The following RP1L1 variants were observed in gnomAD, a reference collection of about 807,000 sequenced individuals.
RP1L1 encodes RP1 like 1.
A neutral mutation model predicts 15.7 loss-of-function variants in RP1L1; 27 were observed. The ratio of observed to expected loss-of-function variants is 1.72; its 90% CI spans 1.27 to 2.38. The LOEUF (loss-of-function observed/expected upper bound fraction) is 2.38, where lower values mean the gene tolerates loss of function less well. RP1L1 is among the 30% of genes most tolerant of loss of function. The pLI is 0.00. For missense variants in RP1L1, 4,798 were observed against 3,075.9 expected, an observed-to-expected ratio of 1.56 and a Z score of -13.24; for synonymous variants, 1,813 against 1,276.7, an observed-to-expected ratio of 1.42 and a Z score of -8.96.
intron 1 of RP1L1, among the ~76,000 whole-genome samples, chr8:10,645,490 A>T (rs1798463320): frequency 6.6e-6 from 1 of 152,216 alleles, no homozygotes; most frequent in African/African-American, 2.4e-5. Flanking sequence ...GATCCTACTC[A>T]CCAGGGGCTT....
At position 10,609,079 on chromosome 8, in the gene RP1L1, C is replaced by T. The variant is rs763413796; in HGVS notation, c.5019G>A (p.Lys1673=). Residue 1673 remains lysine (K), a synonymous_variant, in exon 4 of 4, where the codon AAG becomes AAA. Transcript: ENST00000382483. ...GACCTCTGGTTGCCCCCATTGTGGC[C>T]TTGGGGGACATAGGGCTCACTTTCT... ...VRKKVSPMSP[K]ATMGATRGPI... is the part of the protein sequence containing the mutation. 2 of 1,613,692 alleles carry T rather than the reference C, an allele frequency of 1.2e-6. No individual in the cohort carries two copies. Among genetic ancestry groups the T allele is most frequent in the African/African-American group, 2.7e-5 (2 of 74,932 alleles).
In RP1L1 at chr8:10,611,079, C is replaced by T. The variant is rs886062584; in HGVS notation, c.3019G>A (p.Ala1007Thr). The T allele has an allele frequency of 7.4e-6, 12 of 1,612,778 alleles. No homozygotes were observed. Among genetic ancestry groups the T allele is most frequent in the Non-Finnish European group, 8.5e-6 (10 of 1,180,028 alleles). ...TCCAGGGACTGCTGTCCCGCCTGAG[C>T]TGGCTCCCCCAGGCCTTCCAGAGAA... ...DHSLEGLGEP[A>T]QAGQQSLEGD... Residue 1007 changes from alanine (A) to threonine (T), a missense_variant, in exon 4 of 4, where the codon GCT (alanine) becomes ACT (threonine). Physicochemically the swap from Ala to Thr is moderately conservative, Grantham distance 58. Transcript: ENST00000382483.
rs200671443 is a variant in RP1L1, at chr8:10,608,844, G to C, written c.5254C>G (p.Leu1752Val). The change falls in exon 4 of 4, where the codon CTC becomes GTC. Residue 1752 changes from leucine to valine, a missense_variant. Leu to Val is a conservative substitution (Grantham distance 32). Coordinates refer to ENST00000382483, the MANE Select transcript of RP1L1 (RefSeq NM_178857.6). ...EGEDGEGSQR[L>V]NRDKDPKLGE... Reference sequence around the variant, plus strand: ...AGTTTGGGATCTTTGTCTCTGTTGAGTCTCTGGCTCCCCTCGCCATCCTCA... The same window carrying C: ...AGTTTGGGATCTTTGTCTCTGTTGACTCTCTGGCTCCCCTCGCCATCCTCA... 31 of 1,613,954 alleles carry C rather than the reference G, an allele frequency of 1.9e-5. No homozygotes were observed. Among genetic ancestry groups the C allele is most frequent in the Non-Finnish European group, 2.5e-5 (30 of 1,180,054 alleles).
rs1797766000 is a variant in RP1L1 at position 10,608,819 on chromosome 8, A to T, written c.5279T>A (p.Leu1760His). 1 of 1,613,200 alleles carries T rather than the reference A, an allele frequency of 6.2e-7. No individual in the cohort carries two copies. ...CATTGCATCTCCCTCTGCCTCCCCGAGTTTGGGATCTTTGTCTCTGTTGAG... is the reference window on the plus strand; with the variant it reads ...CATTGCATCTCCCTCTGCCTCCCCGTGTTTGGGATCTTTGTCTCTGTTGAG... The part of the protein sequence containing the change: ...QRLNRDKDPK[L>H]GEAEGDAMAQ... The change falls in exon 4 of 4, where the codon CTC becomes CAC. Residue 1760 changes from leucine to histidine, a missense_variant. By Grantham distance (99) the Leu-to-His change is moderately conservative. Coordinates refer to ENST00000382483, the MANE Select transcript of RP1L1 (RefSeq NM_178857.6).
In RP1L1 at chr8:10,625,545, G is replaced by T. The variant is rs1249833503; in HGVS notation, c.-19-2325C>A. Reference sequence around the variant, plus strand: ...TGTGGGAGGGGAAGCATCTAGATGAGGTGTGAGATGCTCCATAGGCGGAGG... The same window carrying T: ...TGTGGGAGGGGAAGCATCTAGATGATGTGTGAGATGCTCCATAGGCGGAGG... On this transcript the variant is annotated intron_variant, in intron 1 of 3. Coordinates refer to ENST00000382483, the MANE Select transcript of RP1L1 (RefSeq NM_178857.6). 4.6e-5 allele frequency among the ~76,000 whole-genome samples: 7 copies of T among 152,134 alleles called. 1 individual carries two copies. Among genetic ancestry groups the T allele is most frequent in the Admixed American group, 4.6e-4 (7 of 15,280 alleles).
rs747180586 is a variant in RP1L1, at chr8:10,641,136, G to C, written c.-20+13762C>G. Among the ~76,000 whole-genome samples the C allele has an allele frequency of 7.9e-5, 12 of 152,214 alleles. No homozygotes were observed. In the South Asian group the frequency reaches 2.1e-3, roughly 26 times the overall value. ...ATTACATGGCAGATGCAGTGCCACA[G>C]CTCATCCCATCATGGGCCATGTTCT... On this transcript the variant is annotated intron_variant, in intron 1 of 3. Transcript: ENST00000382483.
chr8:10,632,016 G>A (rs183519614), intron 1 of RP1L1, among the ~76,000 whole-genome samples: 2 of 152,302 alleles, frequency 1.3e-5, no homozygotes, highest in East Asian at 1.9e-4. Context: ...TTTTGTCATC[G>A]TGCTTCACAC....
chr8:10,648,135 G>T (rs1046675893), intron 1 of RP1L1, among the ~76,000 whole-genome samples: 1 of 151,816 alleles, frequency 6.6e-6, no homozygotes, highest in Non-Finnish European at 1.5e-5. Flanking sequence ...GGGTTCAAGC[G>T]ATTCTCCTGC....
chr8:10,614,452 G>C (rs1797931491), intron 3 of RP1L1, among the ~76,000 whole-genome samples: 1 of 152,268 alleles, frequency 6.6e-6, no homozygotes, highest in South Asian at 2.1e-4. Flanking sequence ...CTGAGGTCAG[G>C]AGTTCAAGAC....
chr8:10,622,698 C>A lies in RP1L1; in HGVS notation c.504G>T (p.Val168=). 6.2e-7 allele frequency: 1 copy of A among 1,614,162 alleles called. No individual in the cohort carries two copies. Among genetic ancestry groups the A allele is most frequent in the African/African-American group, 1.3e-5 (1 of 75,036 alleles). The change falls in exon 2 of 4, where the codon GTG becomes GTT. Residue 168 remains valine, a synonymous_variant. Transcript: ENST00000382483. ...KNMDPRLQQT[V]VLSHRNTRNL... is the part of the protein sequence containing the mutation. ...TCCTAGTATTCCTGTGACTGAGAAC[C>A]ACTGTCTGCTGGAGGCGAGGGTCCA...
Position 10,647,038 on chromosome 8 carries a change from T to C in RP1L1, c.-20+7860A>G, listed in dbSNP as rs116354165. 7.9e-3 allele frequency among the ~76,000 whole-genome samples: 1,209 copies of C among 152,290 alleles called. 9 individuals carry two copies. Among genetic ancestry groups the C allele is most frequent in the African/African-American group, 0.027 (1,141 of 41,566 alleles). ...TGACCAGCAGAGATCCACGAGGGGCTATAAAGGCCACGCATCCTCATCCGG... is the reference window on the plus strand; with the variant it reads ...TGACCAGCAGAGATCCACGAGGGGCCATAAAGGCCACGCATCCTCATCCGG... On this transcript the variant is annotated intron_variant, in intron 1 of 3. Transcript: ENST00000382483.
At chr8:10,633,671 G>T (rs1433952015) in intron 1 of RP1L1, among the ~76,000 whole-genome samples, 2 of 152,244 alleles carry the variant, frequency 1.3e-5, no homozygotes, top group Non-Finnish European at 2.9e-5. Flanking sequence ...TCCACCCAGA[G>T]CACCAGGAGG....
chr8:10,610,734 G>A lies in RP1L1; in HGVS notation c.3364C>T (p.Leu1122=). The A allele has an allele frequency of 1.9e-6, 3 of 1,613,530 alleles. No homozygotes were observed. The highest frequency in any genetic ancestry group is 2.5e-6 in the Non-Finnish European group (3 of 1,180,034). Residue 1122 remains leucine (L), a synonymous_variant, in exon 4 of 4, where the codon CTG becomes TTG. Transcript: ENST00000382483. ...TCCTCAAATAACTGCAGACTGGCCA[G>A]ACAAGTAATGAGGGCCCCGGCTGAG... ...SCSAGALITC[L]ASLQLFEEDL... is the part of the protein sequence containing the mutation.
At chr8:10,632,509 T>C (rs1370971575) in intron 1 of RP1L1, among the ~76,000 whole-genome samples, 1 of 152,218 alleles carries the variant, frequency 6.6e-6, no homozygotes, top group Non-Finnish European at 1.5e-5. Context: ...CCCGACTTTT[T>C]CCTTTCCCCC....
At chr8:10,651,628 G>A (rs1798563500) in intron 1 of RP1L1, among the ~76,000 whole-genome samples, 1 of 151,836 alleles carries the variant, frequency 6.6e-6, no homozygotes, top group African/African-American at 2.4e-5. Flanking sequence ...AGGAGGCTGA[G>A]GCAGGAGAAT....
intron 1 of RP1L1, among the ~76,000 whole-genome samples, chr8:10,625,579 C>A (rs1383534227): frequency 2.0e-5 from 3 of 152,122 alleles, no homozygotes; most frequent in African/African-American, 7.2e-5. Flanking sequence ...GGGCTTCTGC[C>A]CAGCCAAGCC....
chr8:10,623,243 G>A (rs776200099), intron 1 of RP1L1, 23 bp from the exon 2 acceptor site: 1 of 1,505,208 alleles, frequency 6.6e-7, no homozygotes, highest in Non-Finnish European at 8.8e-7. Context: ...AGAGGAAGAG[G>A]GGTCAGAGAG....
chr8:10,609,112 G>A lies in RP1L1; in HGVS notation c.4986C>T (p.Cys1662=), dbSNP rs777640771. The change falls in exon 4 of 4, where the codon TGC becomes TGT. Residue 1662 remains cysteine, a synonymous_variant. Coordinates refer to ENST00000382483, the MANE Select transcript of RP1L1 (RefSeq NM_178857.6). ...ACATAGGGCTCACTTTCTTCCTCAC[G>A]CAGGCCTCGCAGGGACAGAACTCCT... ...EGEEFCPCEA[C]VRKKVSPMSP... is the part of the protein sequence containing the mutation. The A allele has an allele frequency of 1.2e-5, 19 of 1,613,292 alleles. 1 individual carries two copies. The Admixed American group carries it at 1.3e-4, about 11-fold the overall frequency.
chr8:10,612,337 G>C lies in RP1L1; in HGVS notation c.1761C>G (p.Asp587Glu). 6.2e-7 allele frequency: 1 copy of C among 1,613,132 alleles called. No homozygotes were observed. The change falls in exon 4 of 4, where the codon GAC (aspartate) becomes GAG (glutamate). Residue 587 changes from aspartate (D) to glutamate (E), a missense_variant. By Grantham distance (45) the Asp-to-Glu change is conservative. Coordinates refer to ENST00000382483, the MANE Select transcript of RP1L1 (RefSeq NM_178857.6). Reference sequence around the variant, plus strand: ...GTCCTTGCGTCTCTGCCTGCAGGTCGTCACTCCTTAAAGATGAAAGACTCA... The same window carrying C: ...GTCCTTGCGTCTCTGCCTGCAGGTCCTCACTCCTTAAAGATGAAAGACTCA... ...PALSLSSLRS[D>E]DLQAETQGQG...
Sources: gnomAD v4.1 joint callset for allele counts (sites outside exome capture counted in the v4.1 genomes callset) on GRCh38, gnomAD v4.1.1 for gene constraint, MANE v1.5 for transcripts, NCBI Gene and HGNC (gene_info 2026-07-23, HGNC 2026-07-21) for gene names.